The following CIITA variants were observed in gnomAD, a reference collection of about 807,000 sequenced individuals.
CIITA encodes the protein MHC class II transactivator.
Under a neutral mutation model 115.1 loss-of-function variants are expected in CIITA, and 72 were observed. That is an observed-to-expected ratio of 0.63 (90% CI 0.52 to 0.76). CIITA has a LOEUF of 0.76. CIITA is among the 30% of genes least tolerant of loss of function. The pLI is 0.00. For synonymous variants in CIITA, 763 were observed against 635.6 expected (o/e 1.20, Z -3.02); for missense variants, 1,617 against 1,463.8 (o/e 1.10, Z -1.71).
intron 1 of CIITA, among the ~76,000 whole-genome samples, chr16:10,867,725 A>G (rs1205699257): frequency 6.6e-6 from 1 of 152,118 alleles, no homozygotes; most frequent in East Asian, 1.9e-4. Context: ...CTACCCACTT[A>G]CAAAGAAGTC....
chr16:10,887,297 C>G (rs1285857497), intron 1 of CIITA, among the ~76,000 whole-genome samples: 1 of 152,040 alleles, frequency 6.6e-6, no homozygotes, highest in Non-Finnish European at 1.5e-5. Flanking sequence ...AACGAGGAAT[C>G]AGAATCTCAA....
intron 1 of CIITA, among the ~76,000 whole-genome samples, chr16:10,869,459 A>G (rs2035321554): frequency 6.6e-6 from 1 of 151,404 alleles, no homozygotes; most frequent in Non-Finnish European, 1.5e-5. Context: ...TGACCAAGCC[A>G]TTTAGAATTG....
chr16:10,941,810 C>A lies in CIITA; in HGVS notation n.936C>A. 6.2e-7 allele frequency: 1 copy of A among 1,613,654 alleles called. No individual in the cohort carries two copies. The highest frequency in any genetic ancestry group is 8.5e-7 in the Non-Finnish European group (1 of 1,179,856). ...GAGAGCACGCCGAGGTCCACGAGCG[C>A]CTGGTCCATGTCCTCGGGCAGGAAG... On this transcript the variant is annotated non_coding_transcript_exon_variant, in exon 2 of 2. Coordinates refer to the CIITA transcript ENST00000573379. This position sits in a 1 kb window ranked among gnomAD's most constrained non-coding sequence, Gnocchi z 6.4.
intron 5 of CIITA, among the ~76,000 whole-genome samples, 162 bp downstream of exon 5, chr16:10,899,164 T>A (rs1005549153): frequency 6.6e-6 from 1 of 152,182 alleles, no homozygotes; most frequent in Non-Finnish European, 1.5e-5. Context: ...CATCTGATTA[T>A]TTCATGGCCC....
rs545375108 is a variant in CIITA, at chr16:10,899,446, C to A, written c.436+444C>A. On this transcript the variant is annotated intron_variant, in intron 5 of 19. Transcript: ENST00000324288. ...TTCCTGGAACCCTTCTCTGACCATC[C>A]TTCCATGTAGATTAGCTCAGTTATT... Among the ~76,000 whole-genome samples the A allele has an allele frequency of 3.9e-5, 6 of 152,298 alleles. No homozygotes were observed. In the South Asian group the frequency reaches 1.2e-3, roughly 32 times the overall value.
At chr16:10,904,926 C>A (rs2039035417) in intron 10 of CIITA, 114 bp downstream of exon 10, 3 of 1,068,116 alleles carry the variant, frequency 2.8e-6, no homozygotes, top group Middle Eastern at 2.0e-4. Flanking sequence ...GGCTCACACA[C>A]TCATTTATTT....
intron 13 of CIITA, among the ~76,000 whole-genome samples, chr16:10,912,165 A>G (rs2039627186): frequency 6.6e-6 from 1 of 151,762 alleles, no homozygotes; most frequent in Non-Finnish European, 1.5e-5. Flanking sequence ...CCCAGGCTAG[A>G]ATGCAGTGGT....
chr16:10,923,034 A>G lies in CIITA; in HGVS notation c.3318-194A>G, dbSNP rs551804284. On this transcript the variant is annotated intron_variant, in intron 18 of 19. Transcript: ENST00000324288. This position sits in a 1 kb window ranked among gnomAD's most constrained non-coding sequence, Gnocchi z 5.2. ...TGGGGTCACACAGCAAGTCAGCTGC[A>G]GAACCATAAAGGAATCTCGGGCCTC... 6.4e-5 allele frequency: 39 copies of G among 612,446 alleles called. No individual in the cohort carries two copies. The highest frequency in any genetic ancestry group is 1.1e-4 in the Non-Finnish European group (38 of 342,134). The allele number at this position is 612,446 out of a possible 1,614,324, so 37.9% of individuals were successfully genotyped here.
At chr16:10,891,119 A>C (rs2144086856) in intron 1 of CIITA, among the ~76,000 whole-genome samples, 1 of 152,282 alleles carries the variant, frequency 6.6e-6, no homozygotes, top group Admixed American at 6.5e-5. Flanking sequence ...GGGTGGGCTA[A>C]ATGTCTCCAG....
Position 10,895,690 on chromosome 16 carries a change from A to C in CIITA, c.221A>C (p.Asn74Thr). 1 of 1,614,122 alleles carries C rather than the reference A, an allele frequency of 6.2e-7. No individual in the cohort carries two copies. ...CCAGAACCCGACACAGACACCATCA[A>C]CTGCGACCAGTTCAGCAGGCTGTTG... ...LYSEPDTDTI[N>T]CDQFSRLLCD... is the part of the protein sequence containing the mutation. Residue 74 changes from asparagine to threonine, a missense_variant, in exon 3 of 20, where the codon AAC (asparagine) becomes ACC (threonine). Transcript: ENST00000324288.
At chr16:10,909,001 G>A (rs779203925) in intron 11 of CIITA, 28 bp from the exon 12 acceptor site, 4 of 1,613,938 alleles carry the variant, frequency 2.5e-6, no homozygotes, top group Non-Finnish European at 3.4e-6. Context: ...TGGTCACCGT[G>A]CCTGGGTCTG....
At position 10,902,087 on chromosome 16, in the gene CIITA, C is replaced by G; in HGVS notation, c.531C>G (p.Ser177Arg). Residue 177 changes from serine (S) to arginine (R), a missense_variant, in exon 7 of 20, where the codon AGC becomes AGG. Ser to Arg is a moderately radical substitution (Grantham distance 110). Coordinates refer to ENST00000324288, the MANE Select transcript of CIITA (RefSeq NM_000246.4). Reference sequence around the variant, plus strand: ...GCAGTCTCCTAGTGGGACCAGTGAGCGACTGCTCCACCCTGCCCTGCCTGC... The same window carrying G: ...GCAGTCTCCTAGTGGGACCAGTGAGGGACTGCTCCACCCTGCCCTGCCTGC... Reference protein sequence around the residue: ...VTGSLLVGPVSDCSTLPCLPL... With the variant: ...VTGSLLVGPVRDCSTLPCLPL... 6.2e-7 allele frequency: 1 copy of G among 1,614,120 alleles called. No homozygotes were observed. Among genetic ancestry groups the G allele is most frequent in the Non-Finnish European group, 8.5e-7 (1 of 1,180,022 alleles).
At chr16:10,916,855 A>G in intron 15 of CIITA, 1 of 375,134 alleles carries the variant, frequency 2.7e-6, no homozygotes, top group South Asian at 3.1e-5. Context: ...TAATCAACAA[A>G]TATTTAAGGA....
At position 10,941,695 on chromosome 16, in the gene CIITA, A is replaced by C; in HGVS notation, n.821A>C. 7 of 1,588,526 alleles carry C rather than the reference A, an allele frequency of 4.4e-6. No homozygotes were observed. Among genetic ancestry groups the C allele is most frequent in the Non-Finnish European group, 6.0e-6 (7 of 1,166,172 alleles). On this transcript the variant is annotated non_coding_transcript_exon_variant, in exon 2 of 2. Transcript: ENST00000573379. This position sits in a 1 kb window ranked among gnomAD's most constrained non-coding sequence, Gnocchi z 6.4. ...GCATGGGTTGCGGATCGTGTAGGGAAGAGGGGAACAGCAGTCGAGACCCTA... is the reference window on the plus strand; with the variant it reads ...GCATGGGTTGCGGATCGTGTAGGGACGAGGGGAACAGCAGTCGAGACCCTA...
intron 8 of CIITA, 67 bp from the exon 9 acceptor site, chr16:10,903,664 G>T (rs1170834055): frequency 1.9e-6 from 3 of 1,567,656 alleles, no homozygotes; most frequent in East Asian, 2.2e-5. Flanking sequence ...TGGAGTAGGG[G>T]TGACCCAAGT....
At chr16:10,903,588 T>G in intron 8 of CIITA, 143 bp from the exon 9 acceptor site, 1 of 902,158 alleles carries the variant, frequency 1.1e-6, no homozygotes, top group Non-Finnish European at 1.8e-6. Context: ...AGCTCTGTCC[T>G]GAAATATCTT....
rs2039292396 is a variant in CIITA, at chr16:10,907,957, G to A, written c.2465G>A (p.Trp822Ter). The change falls in exon 11 of 20, where the codon TGG becomes TAG. Residue 822 changes from tryptophan to a stop codon, truncating the protein, a stop_gained. Coordinates refer to ENST00000324288, the MANE Select transcript of CIITA (RefSeq NM_000246.4). LOFTEE classifies it high-confidence loss of function. The surrounding 1 kb of genome is among the most constrained non-coding windows in gnomAD (Gnocchi z 5.0). ...CAHEAEEAGI[W>*]QHVVQELPGR... Reference sequence around the variant, plus strand: ...CACGAGGCCGAGGAGGCTGGAATTTGGCAGCACGTGGTACAGGAGCTCCCC... The same window carrying A: ...CACGAGGCCGAGGAGGCTGGAATTTAGCAGCACGTGGTACAGGAGCTCCCC... 1 of 1,565,392 alleles carries A rather than the reference G, an allele frequency of 6.4e-7. No homozygotes were observed. The highest frequency in any genetic ancestry group is 8.6e-7 in the Non-Finnish European group (1 of 1,156,912).
chr16:10,877,179 G>C, upstream of CIITA: 1 of 714,438 alleles, frequency 1.4e-6, no homozygotes, highest in Non-Finnish European at 2.6e-6. Flanking sequence ...TTAGCTTGGC[G>C]GGCTCCCAAC....
chr16:10,876,122 A>C (rs2143387364), upstream of CIITA, among the ~76,000 whole-genome samples: 1 of 152,162 alleles, frequency 6.6e-6, no homozygotes, highest in South Asian at 2.1e-4. Flanking sequence ...ATGCCATTGC[A>C]CTCTAGCCTG....
Sources: allele counts gnomAD v4.1 joint callset (sites outside exome capture counted in the v4.1 genomes callset), GRCh38; gene constraint gnomAD v4.1.1; non-coding constraint Gnocchi (gnomAD v3.1); transcripts MANE v1.5; gene names NCBI Gene and HGNC (gene_info 2026-07-23, HGNC 2026-07-21).